Variants in CD63 observed in about 807,000 individuals in gnomAD.
The protein encoded by CD63 is CD63 molecule, also known as CD63 antigen.
Under a neutral mutation model 29.2 loss-of-function variants are expected in CD63, and 16 were observed. The ratio of observed to expected loss-of-function variants is 0.55; its 90% CI spans 0.37 to 0.83. The LOEUF (loss-of-function observed/expected upper bound fraction) is 0.83. Among genes scored for constraint, CD63 ranks in the 40% least tolerant of loss-of-function variants. CD63 has a pLI of 0.00. For synonymous variants in CD63, 118 were observed against 111.7 expected, an observed-to-expected ratio of 1.06 and a Z score of -0.36; for missense variants, 251 against 297.3, an observed-to-expected ratio of 0.84 and a Z score of 1.15.
Position 55,728,679 on chromosome 12 carries a change from A to G in CD63, c.-12+274T>C. 8.6e-7 allele frequency: 1 copy of G among 1,160,712 alleles called. No individual in the cohort carries two copies. Among genetic ancestry groups the G allele is most frequent in the South Asian group, 2.2e-5 (1 of 44,628 alleles). 71.9% of individuals were successfully genotyped at this position (1,160,712 alleles called of 1,614,324 possible). ...AACACCCTTTCCCCACCCAACACCCAGCCTGGAGAAACGGTCTTCAGCCCA... is the reference window on the plus strand; with the variant it reads ...AACACCCTTTCCCCACCCAACACCCGGCCTGGAGAAACGGTCTTCAGCCCA... On this transcript the variant is annotated intron_variant, in intron 1 of 7. Coordinates refer to ENST00000257857, the MANE Select transcript of CD63 (RefSeq NM_001780.6). The surrounding 1 kb of genome is among the most constrained non-coding windows in gnomAD (Gnocchi z 4.8).
Position 55,728,588 on chromosome 12 carries a change from A to T in CD63, c.-11-236T>A, listed in dbSNP as rs1346136180. 6.6e-6 allele frequency: 9 copies of T among 1,371,346 alleles called. No individual in the cohort carries two copies. Among genetic ancestry groups the T allele is most frequent in the African/African-American group, 3.0e-5 (2 of 66,850 alleles). 84.9% of individuals were successfully genotyped at this position (1,371,346 alleles called of 1,614,324 possible). A position where few individuals can be genotyped will look rare whatever the true frequency, so the allele number is the denominator to read the frequency against. On this transcript the variant is annotated intron_variant, in intron 1 of 7. Transcript: ENST00000257857. The surrounding 1 kb of genome is among the most constrained non-coding windows in gnomAD (Gnocchi z 4.8). The stretch of plus-strand genomic sequence containing the variant: ...CCGCCGCCTCTGGGGCCCAGGACAG[A>T]TCCAAGGGCGCCGGCAGGGGCTTGA...
chr12:55,727,397 T>A (rs534368854), intron 2 of CD63, 58 bp from the exon 3 acceptor site: 3 of 1,501,676 alleles, frequency 2.0e-6, no homozygotes, highest in Non-Finnish European at 2.7e-6. Context: ...CCCTCCATGG[T>A]GGAGGGCAGG....
At chr12:55,723,620 T>C, downstream of CD63, 1 of 478,560 alleles carries the variant, frequency 2.1e-6, no homozygotes, top group South Asian at 2.1e-5. Flanking sequence ...TTAATTTTGT[T>C]TCTTGGCCTG....
chr12:55,723,839 TC>T, downstream of CD63: 7 of 1,607,036 alleles, frequency 4.4e-6, no homozygotes, highest in Non-Finnish European at 5.1e-6. Context: ...CAAAGTCCCC[TC>T]CCTATAGGGC....
chr12:55,729,234 G>T (rs1055339871), upstream of CD63: 18 of 776,854 alleles, frequency 2.3e-5, no homozygotes, highest in Non-Finnish European at 2.2e-5. Context: ...AGGGAAAGCC[G>T]CAAGGGCAAG....
chr12:55,724,147 G>C, downstream of CD63: 1 of 1,502,854 alleles, frequency 6.7e-7, no homozygotes, highest in Non-Finnish European at 9.0e-7. Context: ...GGGCACCCAG[G>C]GCAGGGTTGA....
At chr12:55,726,617 T>G (rs1445323513) in intron 5 of CD63, 83 bp downstream of exon 5, 2 of 1,117,378 alleles carry the variant, frequency 1.8e-6, no homozygotes, top group Non-Finnish European at 2.7e-6. Flanking sequence ...AGTGCTGAGA[T>G]TACAGGCGTG....
At chr12:55,724,377 G>A (rs1462563765), downstream of CD63, 14 of 1,614,194 alleles carry the variant, frequency 8.7e-6, no homozygotes, top group Non-Finnish European at 1.2e-5. Context: ...ACCTAACCAA[G>A]GTGAGCCGAT....
In CD63 at chr12:55,728,504, C is replaced by A; in HGVS notation, c.-11-152G>T. On this transcript the variant is annotated intron_variant, in intron 1 of 7. Transcript: ENST00000257857. The surrounding 1 kb of genome is among the most constrained non-coding windows in gnomAD (Gnocchi z 4.8). ...CCGCGGTCGGATCCACGTCTCCCAGCCCCCTCTTTACCCGCAGGAGAGGGG... is the reference window on the plus strand; with the variant it reads ...CCGCGGTCGGATCCACGTCTCCCAGACCCCTCTTTACCCGCAGGAGAGGGG... The A allele has an allele frequency of 6.8e-7, 1 of 1,470,456 alleles. No homozygotes were observed. Among genetic ancestry groups the A allele is most frequent in the Non-Finnish European group, 9.0e-7 (1 of 1,114,946 alleles). The allele number at this position is 1,470,456 out of a possible 1,614,324, so 91.1% of individuals were successfully genotyped here. A position where few individuals can be genotyped will look rare whatever the true frequency, so the allele number is the denominator to read the frequency against.
Position 55,728,868 on chromosome 12 carries a change from G to C in CD63, c.-12+85C>G, listed in dbSNP as rs1274806681. 1.2e-5 allele frequency: 12 copies of C among 989,718 alleles called. No individual in the cohort carries two copies. The highest frequency in any genetic ancestry group is 1.1e-5 in the Non-Finnish European group (9 of 832,444). 61.3% of individuals were successfully genotyped at this position (989,718 alleles called of 1,614,324 possible). A position where few individuals can be genotyped will look rare whatever the true frequency, so the allele number is the denominator to read the frequency against. On this transcript the variant is annotated intron_variant, in intron 1 of 7. Transcript: ENST00000257857. This position sits in a 1 kb window ranked among gnomAD's most constrained non-coding sequence, Gnocchi z 4.8. Reference sequence around the variant, plus strand: ...TGGAGAGCGCCGGACGAGTCTCCGCGGGCCTGGGGCGAGCCCTGGAGGAAG... The same window carrying C: ...TGGAGAGCGCCGGACGAGTCTCCGCCGGCCTGGGGCGAGCCCTGGAGGAAG...
chr12:55,727,618 T>C, intron 2 of CD63: 2 of 1,195,568 alleles, frequency 1.7e-6, no homozygotes, highest in Non-Finnish European at 1.0e-6. Context: ...TGACCTAGAA[T>C]AATGCTTTCT....
At chr12:55,724,548 C>T, downstream of CD63, 1 of 1,608,398 alleles carries the variant, frequency 6.2e-7, no homozygotes, top group East Asian at 2.2e-5. Flanking sequence ...TCTACTGAAT[C>T]CAGCCTTCCA....
rs2136156567 is a variant in CD63, at chr12:55,728,964, A to G, written c.-23T>C. ...CCCCGCGGCCTCACCTGGGCTTCCC[A>G]AGGCTGGCTGCGCGTTCCTCTCCCG... On this transcript the variant is annotated 5_prime_UTR_variant, in exon 1 of 8. Coordinates refer to ENST00000257857, the MANE Select transcript of CD63 (RefSeq NM_001780.6). The surrounding 1 kb of genome is among the most constrained non-coding windows in gnomAD (Gnocchi z 4.8). 1.0e-6 allele frequency: 1 copy of G among 985,038 alleles called. No homozygotes were observed. Among genetic ancestry groups the G allele is most frequent in the East Asian group, 1.1e-4 (1 of 8,764 alleles). The allele number at this position is 985,038 out of a possible 1,614,324, so 61.0% of individuals were successfully genotyped here.
In CD63 at chr12:55,728,569, C is replaced by T; in HGVS notation, c.-11-217G>A. 1 of 1,419,332 alleles carries T rather than the reference C, an allele frequency of 7.0e-7. No individual in the cohort carries two copies. The highest frequency in any genetic ancestry group is 1.5e-5 in the South Asian group (1 of 67,272). The allele number at this position is 1,419,332 out of a possible 1,614,324, so 87.9% of individuals were successfully genotyped here. ...GCGAAGCCCGGACCCCGCCCCGCCG[C>T]CTCTGGGGCCCAGGACAGATCCAAG... is the stretch of plus-strand genomic sequence containing the variant. On this transcript the variant is annotated intron_variant, in intron 1 of 7. Coordinates refer to ENST00000257857, the MANE Select transcript of CD63 (RefSeq NM_001780.6). The surrounding 1 kb of genome is among the most constrained non-coding windows in gnomAD (Gnocchi z 4.8).
downstream of CD63, among the ~76,000 whole-genome samples, chr12:55,725,163 G>T: frequency 6.6e-6 from 1 of 152,202 alleles, no homozygotes; most frequent in Non-Finnish European, 1.5e-5. Context: ...GTCCAAGGCA[G>T]ATGGGGGCTG....
At chr12:55,724,388 G>C (rs1198594907), downstream of CD63, 1 of 1,614,102 alleles carries the variant, frequency 6.2e-7, no homozygotes, top group Non-Finnish European at 8.5e-7. Flanking sequence ...GTGAGCCGAT[G>C]CCTGGAGCAT....
downstream of CD63, chr12:55,724,645 C>G: frequency 9.4e-7 from 1 of 1,065,278 alleles, no homozygotes; most frequent in East Asian, 2.5e-5. Flanking sequence ...AAAATAAGCA[C>G]TAACAAAAGT....
rs1037113923 is a variant in CD63, at chr12:55,725,474, C to T, written c.*87G>A. The T allele has an allele frequency of 7.6e-6, 8 of 1,055,842 alleles. No homozygotes were observed. The highest frequency in any genetic ancestry group is 6.3e-5 in the African/African-American group (4 of 63,796). 65.4% of individuals were successfully genotyped at this position (1,055,842 alleles called of 1,614,324 possible). Reference sequence around the variant, plus strand: ...AAGACAAACTCAGACCATCTCTTTTCGGTCTGAAAAAATAATCCGTTTAAT... The same window carrying T: ...AAGACAAACTCAGACCATCTCTTTTTGGTCTGAAAAAATAATCCGTTTAAT... On this transcript the variant is annotated 3_prime_UTR_variant, in exon 8 of 8. Transcript: ENST00000257857.
chr12:55,727,176 T>G lies in CD63; in HGVS notation c.230A>C (p.Lys77Thr). 6.2e-7 allele frequency: 1 copy of G among 1,613,384 alleles called. No individual in the cohort carries two copies. The highest frequency in any genetic ancestry group is 8.5e-7 in the Non-Finnish European group (1 of 1,179,834). ...CGTGATCATAAGACAATAGTTCTCC[T>G]TGCAGGCCCCGCAGCAGCCCACAAA... ...VAFVGCCGAC[K>T]ENYCLMITFA... The change falls in exon 3 of 8, where the codon AAG becomes ACG. Residue 77 changes from lysine (K) to threonine (T), a missense_variant. Lys to Thr is a moderately conservative substitution (Grantham distance 78). Transcript: ENST00000257857.
Sources: allele counts gnomAD v4.1 joint callset (sites outside exome capture counted in the v4.1 genomes callset), GRCh38; gene constraint gnomAD v4.1.1; non-coding constraint Gnocchi (gnomAD v3.1); transcripts MANE v1.5; gene names NCBI Gene and HGNC (gene_info 2026-07-23, HGNC 2026-07-21).